Variants in RAD51 observed in about 807,000 individuals in gnomAD.
RAD51 encodes RAD51 recombinase.
A neutral mutation model predicts 41.5 loss-of-function variants in RAD51; 14 were observed. The ratio of observed to expected loss-of-function variants is 0.34; its 90% confidence interval spans 0.22 to 0.53. RAD51 has a LOEUF of 0.53. RAD51 is among the 20% of genes least tolerant of loss of function. RAD51 has a pLI of 0.95. For missense variants in RAD51, 234 were observed against 422.0 expected, an observed-to-expected ratio of 0.55 and a Z score of 3.90; for synonymous variants, 136 against 148.6, an observed-to-expected ratio of 0.92 and a Z score of 0.62.
intron 5 of RAD51, among the ~76,000 whole-genome samples, chr15:40,710,261 A>G (rs1201830450): frequency 1.1e-4 from 14 of 122,002 alleles, no homozygotes; most frequent in South Asian, 2.8e-4. Flanking sequence ...AAAAAAAAAA[A>G]AAAAAAAAAG....
At chr15:40,729,206 T>TA (rs916725848) in intron 7 of RAD51, among the ~76,000 whole-genome samples, 8 of 151,586 alleles carry the variant, frequency 5.3e-5, no homozygotes, top group East Asian at 1.9e-4. Flanking sequence ...CCGTCTCTAC[T>TA]AAAAAAATAC....
Position 40,729,621 on chromosome 15 carries a change from G to T in RAD51, c.761G>T (p.Arg254Leu). ...HLARFLRMLL[R>L]LADEFGVAVV... ...GCCAGGTTTCTGCGGATGCTTCTGCGACTCGCTGATGAGGTAAGTTGTGGG... is the reference window on the plus strand; with the variant it reads ...GCCAGGTTTCTGCGGATGCTTCTGCTACTCGCTGATGAGGTAAGTTGTGGG... The change falls in exon 8 of 10, where the codon CGA (arginine) becomes CTA (leucine). Residue 254 changes from arginine (R) to leucine (L), a missense_variant. By Grantham distance (102) the Arg-to-Leu change is moderately radical. Transcript: ENST00000267868. The T allele has an allele frequency of 6.2e-7, 1 of 1,613,866 alleles. No homozygotes were observed. The highest frequency in any genetic ancestry group is 1.1e-5 in the South Asian group (1 of 91,022).
chr15:40,721,152 C>T (rs894817215), intron 6 of RAD51, among the ~76,000 whole-genome samples: 2 of 152,218 alleles, frequency 1.3e-5, no homozygotes, highest in African/African-American at 4.8e-5. Flanking sequence ...CACTGCACTC[C>T]AGCCTGGGTG....
At chr15:40,698,902 AG>A in intron 2 of RAD51, 57 bp downstream of exon 2, 1 of 1,514,428 alleles carries the variant, frequency 6.6e-7, no homozygotes, top group Non-Finnish European at 9.2e-7. Flanking sequence ...ACCTAGTGGA[AG>A]GTATTACAAC....
intron 3 of RAD51, chr15:40,701,876 C>G (rs933672081): frequency 7.9e-6 from 3 of 379,854 alleles, no homozygotes; most frequent in South Asian, 1.9e-5. Flanking sequence ...CTCCGCCTCT[C>G]AGGTTCAAGT....
rs1205411115 is a variant in RAD51 at position 40,727,104 on chromosome 15, C to G, written c.531-1607C>G. Among the ~76,000 whole-genome samples the G allele has an allele frequency of 2.6e-5, 4 of 151,624 alleles. No homozygotes were observed. The East Asian group carries it at 5.8e-4, about 22-fold the overall frequency. On this transcript the variant is annotated intron_variant, in intron 6 of 9. Transcript: ENST00000267868. ...TTTTTATAGCAAATAGATAATCTCC[C>G]TTTCTTTTTTAATTTTTAATTTTTT...
intron 5 of RAD51, among the ~76,000 whole-genome samples, chr15:40,718,158 G>A (rs1419095583): frequency 1.3e-5 from 2 of 152,136 alleles, no homozygotes; most frequent in African/African-American, 2.4e-5. Context: ...GGAAGGCAGA[G>A]GTTGCAGTGA....
At chr15:40,714,298 GC>G (rs1895877196) in intron 5 of RAD51, among the ~76,000 whole-genome samples, 1 of 152,190 alleles carries the variant, frequency 6.6e-6, no homozygotes, top group South Asian at 2.1e-4. Context: ...GGGAATTAGG[GC>G]TGTTTAAAAT....
intron 5 of RAD51, among the ~76,000 whole-genome samples, chr15:40,712,777 T>C (rs1895767996): frequency 6.6e-6 from 1 of 152,104 alleles, no homozygotes; most frequent in African/African-American, 2.4e-5. Context: ...TCAAAACAAC[T>C]GAAACAAAAT....
chr15:40,708,983 T>G, intron 4 of RAD51, 42 bp from the exon 5 acceptor site: 12 of 1,459,640 alleles, frequency 8.2e-6, no homozygotes, highest in African/African-American at 1.4e-5. Context: ...AGTTTCTACA[T>G]GTTTGTATTA....
At chr15:40,727,860 CTTTT>C (rs754071390) in intron 6 of RAD51, among the ~76,000 whole-genome samples, 3 of 132,258 alleles carry the variant, frequency 2.3e-5, no homozygotes, top group Non-Finnish European at 1.6e-5. Context: ...TAAACATTCT[CTTTT>C]TTTTTTTTTT....
chr15:40,708,169 C>T (rs1895475332), intron 4 of RAD51, among the ~76,000 whole-genome samples: 1 of 151,598 alleles, frequency 6.6e-6, no homozygotes, highest in Non-Finnish European at 1.5e-5. Context: ...AGGCATGCAC[C>T]ACCATGCCCA....
chr15:40,696,990 A>G (rs1035979091), intron 1 of RAD51, among the ~76,000 whole-genome samples: 3 of 151,974 alleles, frequency 2.0e-5, no homozygotes, highest in Non-Finnish European at 4.4e-5. Flanking sequence ...ATCAGCCCTC[A>G]GTTATGTTTG....
At chr15:40,717,786 G>C (rs1285761594) in intron 5 of RAD51, among the ~76,000 whole-genome samples, 1 of 152,146 alleles carries the variant, frequency 6.6e-6, no homozygotes, top group East Asian at 1.9e-4. Flanking sequence ...AGAATGAACT[G>C]CTCAATAAAG....
intron 5 of RAD51, among the ~76,000 whole-genome samples, chr15:40,716,452 G>A (rs904535790): frequency 4.0e-5 from 6 of 151,140 alleles, no homozygotes; most frequent in Non-Finnish European, 7.4e-5. Flanking sequence ...TGCACCCTCC[G>A]CCTCCCAGGT....
chr15:40,730,520 C>CTTTTTTTT (rs778467789), intron 9 of RAD51, among the ~76,000 whole-genome samples: 1 of 113,110 alleles, frequency 8.8e-6, no homozygotes, highest in Non-Finnish European at 1.7e-5. Flanking sequence ...AATTTTTTTT[C>CTTTTTTTT]TTTTTTTTTT....
intron 6 of RAD51, among the ~76,000 whole-genome samples, chr15:40,727,784 C>T (rs1448078978): frequency 6.6e-6 from 1 of 151,984 alleles, no homozygotes; most frequent in African/African-American, 2.4e-5. Context: ...TATCCTAATG[C>T]CATCTGTTTA....
chr15:40,707,193 CATT>C (rs1237777288), intron 4 of RAD51, among the ~76,000 whole-genome samples: 2 of 128,464 alleles, frequency 1.6e-5, no homozygotes, highest in African/African-American at 2.9e-5. Flanking sequence ...GGGCATCACT[CATT>C]ATGTTGCCCA....
intron 8 of RAD51, 59 bp downstream of exon 8, chr15:40,729,693 C>G (rs1273360575): frequency 6.8e-6 from 11 of 1,612,136 alleles, no homozygotes; most frequent in Non-Finnish European, 9.3e-6. Context: ...ATTCCAGGAG[C>G]CTTGCTAGGA....
Sources: gnomAD v4.1 joint callset for allele counts (sites outside exome capture counted in the v4.1 genomes callset) on GRCh38, gnomAD v4.1.1 for gene constraint, MANE v1.5 for transcripts, NCBI Gene and HGNC (gene_info 2026-07-23, HGNC 2026-07-21) for gene names.